RBFOX1: variants seen among roughly 807,000 people sequenced by gnomAD.
The protein encoded by RBFOX1 is RNA binding fox-1 homolog 1.
Under a neutral mutation model 57.7 loss-of-function variants are expected in RBFOX1, and 8 were observed. The ratio of observed to expected loss-of-function variants is 0.14; its 90% CI spans 0.08 to 0.25. RBFOX1 has a LOEUF of 0.25. Among genes scored for constraint, RBFOX1 ranks in the 10% least tolerant of loss-of-function variants. RBFOX1 has a pLI of 1.00. For synonymous variants in RBFOX1, 326 were observed against 222.4 expected, an observed-to-expected ratio of 1.47 and a Z score of -4.15; for missense variants, 611 against 548.5, an observed-to-expected ratio of 1.11 and a Z score of -1.14.
chr16:7,461,587 C>T (rs762315741), intron 4 of RBFOX1, among the ~76,000 whole-genome samples: 7 of 152,286 alleles, frequency 4.6e-5, no homozygotes, highest in Middle Eastern at 3.4e-3. Context: ...TTCAGCTCTA[C>T]GCAGTATTCC....
At chr16:5,500,754 C>T (rs914974986) in intron 2 of RBFOX1, among the ~76,000 whole-genome samples, 3 of 152,150 alleles carry the variant, frequency 2.0e-5, no homozygotes, top group Non-Finnish European at 4.4e-5. Flanking sequence ...GCCTCTAATT[C>T]CATAAGCTTT....
In RBFOX1 at chr16:5,817,106, C is replaced by G. The variant is rs79159799; in HGVS notation, c.319-50197C>G. On this transcript the variant is annotated intron_variant, in intron 3 of 19. Transcript: ENST00000641259. ...GGTTCAGCTGAGGATATCCCCTTTC[C>G]TGTACATCTTCCCTGCATTGTAATC... Among the ~76,000 whole-genome samples the G allele has an allele frequency of 7.0e-4, 106 of 152,308 alleles. 3 individuals carry two copies. In the East Asian group the frequency reaches 0.02, roughly 28 times the overall value.
chr16:7,391,170 G>GC lies in RBFOX1; in HGVS notation c.28-126972dup, dbSNP rs566988716. ...TAGATAGGCAGCATGTCCAGACACT[G>GC]CCCCCTGCACGTGACTGGCCCCACC... On this transcript the variant is annotated intron_variant, in intron 4 of 15. Coordinates refer to ENST00000550418, the MANE Select transcript of RBFOX1 (RefSeq NM_018723.4). 9.2e-5 allele frequency among the ~76,000 whole-genome samples: 14 copies of GC among 152,242 alleles called. No individual in the cohort carries two copies. The East Asian group carries it at 2.7e-3, about 29-fold the overall frequency.
chr16:7,423,332 CA>C (rs2098563061), intron 4 of RBFOX1, among the ~76,000 whole-genome samples: 1 of 151,650 alleles, frequency 6.6e-6, no homozygotes, highest in African/African-American at 2.4e-5. Context: ...ACAAAGAGTG[CA>C]TCTTGCAAAA....
chr16:5,736,856 C>T (rs1260494978), intron 3 of RBFOX1, among the ~76,000 whole-genome samples: 1 of 147,478 alleles, frequency 6.8e-6, no homozygotes, highest in Non-Finnish European at 1.5e-5. Context: ...TCTTTCCCCC[C>T]TTCTCTTTCC....
At chr16:7,130,894 GTGAC>G (rs2070151135) in intron 4 of RBFOX1, among the ~76,000 whole-genome samples, 1 of 152,162 alleles carries the variant, frequency 6.6e-6, no homozygotes, top group African/African-American at 2.4e-5. Flanking sequence ...TGAGGCGACA[GTGAC>G]ACAGCAATGA....
intron 1 of RBFOX1, among the ~76,000 whole-genome samples, chr16:6,071,885 G>A (rs548213381): frequency 6.6e-6 from 1 of 152,134 alleles, no homozygotes; most frequent in Non-Finnish European, 1.5e-5. Context: ...TGTCCTCCAG[G>A]TTCATAAATG....
intron 1 of RBFOX1, among the ~76,000 whole-genome samples, chr16:6,100,232 G>A (rs895697937): frequency 4.6e-5 from 7 of 151,902 alleles, no homozygotes; most frequent in Non-Finnish European, 8.8e-5. Context: ...GCCCGATCTC[G>A]GCTCACTGCA....
In RBFOX1 at chr16:6,908,129, G is replaced by C. The variant is rs1042384875; in HGVS notation, c.-15-143928G>C. 4.6e-5 allele frequency among the ~76,000 whole-genome samples: 7 copies of C among 151,836 alleles called. No homozygotes were observed. The East Asian group carries it at 1.4e-3, about 29-fold the overall frequency. ...GGGGGTTAGGACATCCACATGTTTT[G>C]GAGGGAAACAATTCAGCTCCTAACA... On this transcript the variant is annotated intron_variant, in intron 3 of 15. Transcript: ENST00000550418.
intron 1 of RBFOX1, among the ~76,000 whole-genome samples, chr16:6,093,169 T>C (rs1487804510): frequency 2.0e-5 from 3 of 152,228 alleles, no homozygotes; most frequent in Non-Finnish European, 4.4e-5. Context: ...GAGTGGTCTG[T>C]AGGTAAACAA....
chr16:6,702,245 A>T (rs2061966705), intron 3 of RBFOX1, among the ~76,000 whole-genome samples: 1 of 152,148 alleles, frequency 6.6e-6, no homozygotes, highest in African/African-American at 2.4e-5. Context: ...AACATGAGAT[A>T]TGGATGGGAC....
intron 4 of RBFOX1, among the ~76,000 whole-genome samples, chr16:7,238,537 C>A (rs1008594365): frequency 6.6e-6 from 1 of 151,912 alleles, no homozygotes; most frequent in South Asian, 2.1e-4. Context: ...TTGGGCTACA[C>A]ACGCACCTTT....
At chr16:5,528,982 C>G (rs1045314266) in intron 2 of RBFOX1, among the ~76,000 whole-genome samples, 2 of 151,996 alleles carry the variant, frequency 1.3e-5, no homozygotes, top group Non-Finnish European at 2.9e-5. Context: ...ACTCATAAAC[C>G]TGATTCTCAT....
chr16:6,803,244 G>A (rs1024101903), intron 3 of RBFOX1, among the ~76,000 whole-genome samples: 2 of 152,056 alleles, frequency 1.3e-5, no homozygotes, highest in African/African-American at 4.8e-5. Context: ...ATTGCTGTTA[G>A]CTTTCTGCAT....
At chr16:5,582,547 CTTTTTTTTTTTTT>C (rs57853959) in intron 2 of RBFOX1, among the ~76,000 whole-genome samples, 22 of 92,862 alleles carry the variant, frequency 2.4e-4, no homozygotes, top group Admixed American at 9.1e-4. Context: ...AAGCACGTCA[CTTTTTTTTTTTTT>C]TTTTTTTTTT....
intron 3 of RBFOX1, among the ~76,000 whole-genome samples, chr16:5,659,150 C>T (rs781150192): frequency 9.9e-5 from 15 of 152,066 alleles, no homozygotes; most frequent in South Asian, 8.3e-4. Flanking sequence ...CCCTGTTCAC[C>T]GCATCCATGC....
chr16:6,085,313 C>A (rs1258596762), intron 1 of RBFOX1, among the ~76,000 whole-genome samples: 1 of 152,192 alleles, frequency 6.6e-6, no homozygotes, highest in African/African-American at 2.4e-5. Flanking sequence ...GCTCTTGTTG[C>A]CCAGGCTGAA....
intron 4 of RBFOX1, among the ~76,000 whole-genome samples, chr16:7,085,782 G>C (rs1285127779): frequency 2.0e-5 from 3 of 152,090 alleles, no homozygotes; most frequent in South Asian, 4.1e-4. Context: ...AGTGTGTTCA[G>C]AACTTCTCCC....
At chr16:7,411,696 G>T (rs2098426741) in intron 4 of RBFOX1, among the ~76,000 whole-genome samples, 1 of 152,206 alleles carries the variant, frequency 6.6e-6, no homozygotes, top group South Asian at 2.1e-4. Flanking sequence ...CTGAGGTTGG[G>T]AGTTTGAGAC....
Sources: gnomAD v4.1 joint callset for allele counts (sites outside exome capture counted in the v4.1 genomes callset) on GRCh38, gnomAD v4.1.1 for gene constraint, MANE v1.5 for transcripts, NCBI Gene and HGNC (gene_info 2026-07-23, HGNC 2026-07-21) for gene names.